Variants in AK8 observed in about 807,000 individuals in gnomAD.
AK8 encodes the protein ATP-AMP transphosphorylase 8.
In AK8, 44 loss-of-function variants were observed where a neutral mutation model predicts 54.6. That is an observed-to-expected ratio of 0.81 (90% CI 0.63 to 1.04). The LOEUF (loss-of-function observed/expected upper bound fraction) is 1.04. Ranked by LOEUF, AK8 falls within the 50% of genes least tolerant of loss-of-function variation. The pLI, the probability that AK8 is intolerant of heterozygous loss-of-function variation, is 0.00. For synonymous variants in AK8, 239 were observed against 245.6 expected, an observed-to-expected ratio of 0.97 and a Z score of 0.25; for missense variants, 555 against 613.6, an observed-to-expected ratio of 0.90 and a Z score of 1.01.
intron 11 of AK8, among the ~76,000 whole-genome samples, chr9:132,771,467 T>G (rs1838976195): frequency 6.6e-6 from 1 of 152,194 alleles, no homozygotes; most frequent in African/African-American, 2.4e-5. Context: ...TCCTCCATCT[T>G]TATATGCTTA....
At position 132,762,694 on chromosome 9, in the gene AK8, AGGAGTTCC is replaced by A. The variant is rs994971403; in HGVS notation, c.1121+29932_1121+29939del. 3.6e-4 allele frequency among the ~76,000 whole-genome samples: 55 copies of A among 152,230 alleles called. 1 individual carries two copies. In the East Asian group the frequency reaches 6.0e-3, roughly 17 times the overall value. ...TGAGGCGGGCGGATCACCTGAGGTCAGGAGTTCCAGACCAGCCTGGCCAATATGGAGAA... is the reference window on the plus strand; with the variant it reads ...TGAGGCGGGCGGATCACCTGAGGTCAAGACCAGCCTGGCCAATATGGAGAA... On this transcript the variant is annotated intron_variant, in intron 11 of 12. Transcript: ENST00000298545.
intron 11 of AK8, among the ~76,000 whole-genome samples, chr9:132,772,019 C>G (rs1590222520): frequency 6.6e-6 from 1 of 152,210 alleles, no homozygotes; most frequent in Non-Finnish European, 1.5e-5. Context: ...TCTCATGAGA[C>G]TTATTCACTA....
chr9:132,833,699 G>A (rs1474678537), intron 5 of AK8, among the ~76,000 whole-genome samples: 2 of 152,198 alleles, frequency 1.3e-5, no homozygotes, highest in African/African-American at 4.8e-5. Flanking sequence ...GGAGGGACAA[G>A]CACTGAGCAG....
chr9:132,849,265 A>C (rs1384418259), intron 5 of AK8, among the ~76,000 whole-genome samples: 3 of 152,144 alleles, frequency 2.0e-5, no homozygotes, highest in Non-Finnish European at 4.4e-5. Flanking sequence ...TTCATGATCA[A>C]TGTGAAAGTG....
At chr9:132,832,799 C>T (rs577434217) in intron 5 of AK8, among the ~76,000 whole-genome samples, 3 of 152,288 alleles carry the variant, frequency 2.0e-5, no homozygotes, top group African/African-American at 7.2e-5. Context: ...AGGAAAAGTG[C>T]AGCAAAATGA....
intron 5 of AK8, among the ~76,000 whole-genome samples, chr9:132,834,797 G>A (rs1842249155): frequency 6.6e-6 from 1 of 151,982 alleles, no homozygotes; most frequent in South Asian, 2.1e-4. Flanking sequence ...TCCTAGATGT[G>A]CAGCCTACAG....
chr9:132,733,982 C>T (rs1201072848), intron 11 of AK8, among the ~76,000 whole-genome samples: 2 of 152,062 alleles, frequency 1.3e-5, no homozygotes, highest in African/African-American at 2.4e-5. Context: ...TCCAGGTGGG[C>T]ACCCTGGATC....
intron 9 of AK8, among the ~76,000 whole-genome samples, chr9:132,817,170 C>T (rs927712109): frequency 2.5e-4 from 38 of 152,198 alleles, no homozygotes; most frequent in African/African-American, 8.9e-4. Context: ...TGCAGGGATA[C>T]TCTAGCCCTA....
At chr9:132,757,701 C>T (rs935224407) in intron 11 of AK8, among the ~76,000 whole-genome samples, 1 of 152,142 alleles carries the variant, frequency 6.6e-6, no homozygotes, top group Non-Finnish European at 1.5e-5. Flanking sequence ...CCTTCTGTTC[C>T]CTCTTGTGGC....
chr9:132,762,358 GTTC>G (rs1838519019), intron 11 of AK8, among the ~76,000 whole-genome samples: 1 of 152,056 alleles, frequency 6.6e-6, no homozygotes, highest in Non-Finnish European at 1.5e-5. Context: ...ATTTTCAACT[GTTC>G]TTCTTTTGAG....
chr9:132,781,039 T>C lies in AK8; in HGVS notation c.1121+11595A>G, dbSNP rs949779301. On this transcript the variant is annotated intron_variant, in intron 11 of 12. Coordinates refer to ENST00000298545, the MANE Select transcript of AK8 (RefSeq NM_152572.3). The surrounding 1 kb of genome is among the most constrained non-coding windows in gnomAD (Gnocchi z 4.6). The stretch of plus-strand genomic sequence containing the variant: ...ATCAGAATCCTATACTCTTTCTCTG[T>C]AGTAAGCATTAATTTTAAAAGAAAA... 7.2e-5 allele frequency among the ~76,000 whole-genome samples: 11 copies of C among 152,308 alleles called. No individual in the cohort carries two copies. The highest frequency in any genetic ancestry group is 2.6e-4 in the African/African-American group (11 of 41,556).
chr9:132,800,782 G>T (rs574196698), intron 10 of AK8, among the ~76,000 whole-genome samples: 1 of 152,136 alleles, frequency 6.6e-6, no homozygotes, highest in African/African-American at 2.4e-5. Context: ...CTTGGAGAGG[G>T]CCACCCACTT....
chr9:132,864,893 C>A (rs1045779851), intron 3 of AK8, among the ~76,000 whole-genome samples: 1 of 152,204 alleles, frequency 6.6e-6, no homozygotes, highest in Non-Finnish European at 1.5e-5. Flanking sequence ...GAGCCTCCCA[C>A]TGAGCAACCA....
rs1347085885 is a variant in AK8, at chr9:132,803,858, T to C, written c.979+10780A>G. On this transcript the variant is annotated intron_variant, in intron 10 of 12. Transcript: ENST00000298545. This position sits in a 1 kb window ranked among gnomAD's most constrained non-coding sequence, Gnocchi z 4.4. ...CGGGCATGGTGGTTCACGCCTGTAA[T>C]CCCAGCACTTTGGGAGGCCGAGGCT... Among the ~76,000 whole-genome samples, 2 of 152,154 alleles carry C rather than the reference T, an allele frequency of 1.3e-5. No homozygotes were observed. The highest frequency in any genetic ancestry group is 2.4e-5 in the African/African-American group (1 of 41,430).
intron 2 of AK8, among the ~76,000 whole-genome samples, chr9:132,867,316 G>A (rs1303078082): frequency 1.3e-5 from 2 of 152,154 alleles, no homozygotes; most frequent in African/African-American, 4.8e-5. Context: ...TATGCAAATC[G>A]ACCTTAGAAG....
At chr9:132,854,033 T>A (rs1843075153) in intron 5 of AK8, among the ~76,000 whole-genome samples, 2 of 152,096 alleles carry the variant, frequency 1.3e-5, no homozygotes, top group Non-Finnish European at 1.5e-5. Context: ...AAACTCTATC[T>A]CTACAAAAAG....
chr9:132,758,551 A>G (rs1451617427), intron 11 of AK8, among the ~76,000 whole-genome samples: 1 of 151,968 alleles, frequency 6.6e-6, no homozygotes, highest in Non-Finnish European at 1.5e-5. Flanking sequence ...CCTGGTTCAA[A>G]TGATTCTCTT....
chr9:132,842,166 A>G (rs775028342), intron 5 of AK8, among the ~76,000 whole-genome samples: 3 of 152,188 alleles, frequency 2.0e-5, no homozygotes, highest in Non-Finnish European at 4.4e-5. Context: ...TAGTGTTGAA[A>G]CCATTATTAG....
intron 5 of AK8, among the ~76,000 whole-genome samples, chr9:132,845,127 C>A (rs556686889): frequency 1.3e-5 from 2 of 152,330 alleles, no homozygotes; most frequent in South Asian, 4.1e-4. Context: ...GTAATTACAG[C>A]CTCTTGCATA....
Sources: allele counts gnomAD v4.1 joint callset (sites outside exome capture counted in the v4.1 genomes callset), GRCh38; gene constraint gnomAD v4.1.1; non-coding constraint Gnocchi (gnomAD v3.1); transcripts MANE v1.5; gene names NCBI Gene and HGNC (gene_info 2026-07-23, HGNC 2026-07-21).